RBFOX1: variants seen among roughly 807,000 people sequenced by gnomAD.
RBFOX1 encodes the protein RNA binding protein fox-1 homolog 1.
In RBFOX1, 8 loss-of-function variants were observed where a neutral mutation model predicts 57.7. The ratio of observed to expected loss-of-function variants is 0.14; its 90% CI spans 0.08 to 0.25. The LOEUF (loss-of-function observed/expected upper bound fraction) is 0.25, where lower values mean the gene tolerates loss of function less well. Ranked by LOEUF, RBFOX1 falls within the 10% of genes least tolerant of loss-of-function variation. The probability of loss-of-function intolerance (pLI) is 1.00; values close to 1 mark genes in which losing one functional copy is unlikely to be tolerated. For synonymous variants in RBFOX1, 326 were observed against 222.4 expected (o/e 1.47, Z -4.15); for missense variants, 611 against 548.5 (o/e 1.11, Z -1.14).
intron 4 of RBFOX1, among the ~76,000 whole-genome samples, chr16:7,193,911 T>C (rs1350605292): frequency 6.6e-6 from 1 of 152,062 alleles, no homozygotes; most frequent in Non-Finnish European, 1.5e-5. Context: ...GATAAGATAT[T>C]CTAGTAGCAG....
rs772136751 is a variant in RBFOX1 at position 6,882,604 on chromosome 16, TATAA to T, written c.-15-169440_-15-169437del. 2.6e-5 allele frequency among the ~76,000 whole-genome samples: 4 copies of T among 152,056 alleles called. No individual in the cohort carries two copies. In the South Asian group the frequency reaches 6.2e-4, roughly 24 times the overall value. On this transcript the variant is annotated intron_variant, in intron 3 of 15. Transcript: ENST00000550418. ...GAGTTAAACTCTGAAAATAAATAAA[TATAA>T]ATAAATAAATAAGATCATGTTTGCA... is the stretch of plus-strand genomic sequence containing the variant.
At chr16:7,465,061 A>T (rs1255774387) in intron 4 of RBFOX1, among the ~76,000 whole-genome samples, 1 of 151,920 alleles carries the variant, frequency 6.6e-6, no homozygotes, top group Non-Finnish European at 1.5e-5. Flanking sequence ...AGGGCATGGC[A>T]CGCCTCCTGC....
At chr16:5,768,960 A>G (rs1238213851) in intron 3 of RBFOX1, among the ~76,000 whole-genome samples, 3 of 152,154 alleles carry the variant, frequency 2.0e-5, no homozygotes, top group African/African-American at 7.2e-5. Flanking sequence ...AAATCCAGGC[A>G]GTGGGATAGA....
At chr16:7,443,985 A>G (rs2098789808) in intron 4 of RBFOX1, among the ~76,000 whole-genome samples, 2 of 152,162 alleles carry the variant, frequency 1.3e-5, no homozygotes, top group African/African-American at 4.8e-5. Context: ...CTTCAAGAGA[A>G]ACTTCCACTT....
chr16:5,763,167 G>T (rs1476585298), intron 3 of RBFOX1, among the ~76,000 whole-genome samples: 1 of 152,178 alleles, frequency 6.6e-6, no homozygotes, highest in Non-Finnish European at 1.5e-5. Context: ...TGGATTAGAA[G>T]TCCATCGTGA....
intron 3 of RBFOX1, among the ~76,000 whole-genome samples, chr16:5,765,908 C>G (rs777307980): frequency 2.3e-4 from 35 of 152,206 alleles, no homozygotes; most frequent in Admixed American, 2.6e-4. Flanking sequence ...AGTGAGGTAT[C>G]TGCAGTCTCT....
chr16:5,591,615 T>C (rs1430860663), intron 2 of RBFOX1, among the ~76,000 whole-genome samples: 1 of 152,204 alleles, frequency 6.6e-6, no homozygotes, highest in African/African-American at 2.4e-5. Flanking sequence ...GTGGATATAC[T>C]AGAAATGCCT....
chr16:5,302,851 A>T (rs2063838546), intron 1 of RBFOX1, among the ~76,000 whole-genome samples: 1 of 152,224 alleles, frequency 6.6e-6, no homozygotes, highest in Non-Finnish European at 1.5e-5. Context: ...TATAAACAGC[A>T]TATAGTTAAT....
chr16:5,396,109 C>A (rs1041557114), intron 1 of RBFOX1, among the ~76,000 whole-genome samples: 1 of 152,174 alleles, frequency 6.6e-6, no homozygotes, highest in Non-Finnish European at 1.5e-5. Context: ...TTTAAGCCCC[C>A]AGGGTTATGA....
At chr16:7,284,401 G>A (rs2095608197) in intron 4 of RBFOX1, among the ~76,000 whole-genome samples, 1 of 152,174 alleles carries the variant, frequency 6.6e-6, no homozygotes, top group African/African-American at 2.4e-5. Context: ...CACTATCACA[G>A]CTCACTGCAG....
intron 4 of RBFOX1, among the ~76,000 whole-genome samples, chr16:5,954,418 C>T (rs373255090): frequency 6.6e-6 from 1 of 152,024 alleles, no homozygotes; most frequent in African/African-American, 2.4e-5. Context: ...GAGAACGAAG[C>T]ATTAAACCCA....
At chr16:7,065,970 A>G (rs1482560519) in intron 4 of RBFOX1, among the ~76,000 whole-genome samples, 2 of 152,110 alleles carry the variant, frequency 1.3e-5, no homozygotes, top group African/African-American at 2.4e-5. Flanking sequence ...AAAACCCTAT[A>G]CCCAGAGAAT....
chr16:6,843,019 G>T (rs1043250385), intron 3 of RBFOX1, among the ~76,000 whole-genome samples: 2 of 152,062 alleles, frequency 1.3e-5, no homozygotes, highest in African/African-American at 4.8e-5. Flanking sequence ...TTTTATGGCT[G>T]CCTAGTATTC....
intron 2 of RBFOX1, among the ~76,000 whole-genome samples, chr16:6,440,579 A>G (rs910558251): frequency 1.2e-4 from 19 of 152,220 alleles, no homozygotes; most frequent in African/African-American, 4.3e-4. Flanking sequence ...AGGCAGGCGG[A>G]TCACGAGGTC....
intron 2 of RBFOX1, among the ~76,000 whole-genome samples, chr16:6,425,245 A>G (rs1373885982): frequency 1.3e-5 from 2 of 152,192 alleles, no homozygotes; most frequent in Admixed American, 6.5e-5. Flanking sequence ...GAAGGAGAGT[A>G]TGGTCAACAG....
chr16:6,820,139 G>C (rs1003314335), intron 3 of RBFOX1, among the ~76,000 whole-genome samples: 3 of 152,128 alleles, frequency 2.0e-5, no homozygotes, highest in African/African-American at 7.2e-5. Context: ...AGGACACACT[G>C]TCTCTTGCCT....
chr16:5,896,442 C>G (rs1390389521), intron 4 of RBFOX1, among the ~76,000 whole-genome samples: 1 of 151,528 alleles, frequency 6.6e-6, no homozygotes, highest in African/African-American at 2.4e-5. Context: ...CCCTGCGCTC[C>G]CCCTGTTTTG....
At chr16:6,437,740 A>G (rs2094276651) in intron 2 of RBFOX1, among the ~76,000 whole-genome samples, 1 of 152,194 alleles carries the variant, frequency 6.6e-6, no homozygotes, top group Non-Finnish European at 1.5e-5. Flanking sequence ...ACATCTTCAC[A>G]TGGTGGCAGG....
chr16:7,389,745 C>A (rs892270449), intron 4 of RBFOX1, among the ~76,000 whole-genome samples: 2 of 152,236 alleles, frequency 1.3e-5, no homozygotes, highest in African/African-American at 4.8e-5. Context: ...TCAGCAACAA[C>A]ACCAATAATA....
Sources: gnomAD v4.1 joint callset for allele counts (sites outside exome capture counted in the v4.1 genomes callset) on GRCh38, gnomAD v4.1.1 for gene constraint, MANE v1.5 for transcripts, NCBI Gene and HGNC (gene_info 2026-07-23, HGNC 2026-07-21) for gene names.